The following AGBL4 variants were observed in gnomAD, a reference collection of about 807,000 sequenced individuals.
AGBL4 encodes the protein AGBL carboxypeptidase 4.
A neutral mutation model predicts 66.4 loss-of-function variants in AGBL4; 58 were observed. The ratio of observed to expected loss-of-function variants is 0.87; its 90% CI spans 0.71 to 1.09. The LOEUF is 1.09. Ranked by LOEUF, AGBL4 falls within the 50% of genes least tolerant of loss-of-function variation. The probability of loss-of-function intolerance (pLI) is 0.00; values close to 1 mark genes in which losing one functional copy is unlikely to be tolerated. For missense variants in AGBL4, 579 were observed against 631.0 expected (o/e 0.92, Z 0.88); for synonymous variants, 234 against 222.9 (o/e 1.05, Z -0.44).
chr1:49,524,732 G>A (rs1242419761), intron 3 of AGBL4, among the ~76,000 whole-genome samples: 2 of 151,772 alleles, frequency 1.3e-5, no homozygotes, highest in African/African-American at 4.8e-5. Context: ...CACTTCCCAA[G>A]AAGCTTTTCT....
At position 49,012,039 on chromosome 1, in the gene AGBL4, GA is replaced by G. The variant is rs901750777; in HGVS notation, c.594+33544del. Among the ~76,000 whole-genome samples the G allele has an allele frequency of 2.9e-3, 401 of 139,428 alleles. 3 individuals carry two copies. The highest frequency in any genetic ancestry group is 7.8e-3 in the African/African-American group (294 of 37,916). 91.5% of individuals were successfully genotyped at this position (139,428 alleles called of 152,430 possible). On this transcript the variant is annotated intron_variant, in intron 5 of 13. Coordinates refer to ENST00000371839, the MANE Select transcript of AGBL4 (RefSeq NM_032785.4). ...TAAAACTTAAAATATAATAATAAAA[GA>G]AAAAAAAAAGCTACATAAAAAAAAA...
chr1:48,891,039 A>C (rs1310475518), intron 5 of AGBL4, among the ~76,000 whole-genome samples: 1 of 152,212 alleles, frequency 6.6e-6, no homozygotes, highest in Admixed American at 6.5e-5. Flanking sequence ...CAATTTACTG[A>C]TCAGTCCAGT....
At chr1:49,124,726 G>T (rs1645731179) in intron 4 of AGBL4, among the ~76,000 whole-genome samples, 2 of 152,136 alleles carry the variant, frequency 1.3e-5, no homozygotes, top group Admixed American at 1.3e-4. Flanking sequence ...AAGATTTTAT[G>T]GAAATAAAAC....
At chr1:48,564,489 A>G (rs959584931) in intron 11 of AGBL4, among the ~76,000 whole-genome samples, 5 of 150,408 alleles carry the variant, frequency 3.3e-5, no homozygotes, top group Non-Finnish European at 7.4e-5. Context: ...TCCTCCTCAT[A>G]CTACTTGGCC....
intron 6 of AGBL4, among the ~76,000 whole-genome samples, chr1:48,778,057 T>C (rs954368263): frequency 3.3e-5 from 5 of 152,186 alleles, no homozygotes; most frequent in African/African-American, 1.2e-4. Context: ...TGGCTAGTTA[T>C]ATTTCTGTTG....
intron 1 of AGBL4, among the ~76,000 whole-genome samples, chr1:49,973,015 G>T (rs924854493): frequency 2.0e-5 from 3 of 152,122 alleles, no homozygotes; most frequent in Non-Finnish European, 4.4e-5. Context: ...AGATCACATG[G>T]CCATTAAGTG....
chr1:49,774,329 G>T (rs1644142120), intron 2 of AGBL4, among the ~76,000 whole-genome samples: 1 of 152,174 alleles, frequency 6.6e-6, no homozygotes, highest in Non-Finnish European at 1.5e-5. Flanking sequence ...AAATAGTGTG[G>T]CAGAGGCAGG....
At chr1:49,833,925 C>G (rs1645773585) in intron 2 of AGBL4, among the ~76,000 whole-genome samples, 1 of 152,126 alleles carries the variant, frequency 6.6e-6, no homozygotes, top group African/African-American at 2.4e-5. Context: ...GATATACAAT[C>G]ATGTCATCTG....
chr1:49,708,711 T>C (rs1647396213), intron 2 of AGBL4, among the ~76,000 whole-genome samples: 1 of 152,198 alleles, frequency 6.6e-6, no homozygotes, highest in African/African-American at 2.4e-5. Context: ...TACTCTTTCA[T>C]GTTGGTGACC....
At position 49,785,142 on chromosome 1, in the gene AGBL4, T is replaced by C. The variant is rs146923149; in HGVS notation, c.157+66254A>G. ...AAAGACTAGAATTTATAGAAGTAGA[T>C]AGTAGAATGGTGGCTACCAGTAGCT... On this transcript the variant is annotated intron_variant, in intron 2 of 13. Transcript: ENST00000371839. 5.3e-4 allele frequency among the ~76,000 whole-genome samples: 81 copies of C among 152,152 alleles called. No homozygotes were observed. The East Asian group carries it at 0.014, about 25-fold the overall frequency.
At chr1:49,326,759 G>T (rs761337755) in intron 3 of AGBL4, among the ~76,000 whole-genome samples, 1 of 152,136 alleles carries the variant, frequency 6.6e-6, no homozygotes, top group Non-Finnish European at 1.5e-5. Flanking sequence ...AGGAAAAATA[G>T]AAATTACTGG....
chr1:48,742,102 C>A (rs1477733894), intron 6 of AGBL4, among the ~76,000 whole-genome samples: 2 of 152,238 alleles, frequency 1.3e-5, no homozygotes, highest in Admixed American at 6.5e-5. Flanking sequence ...GCTGCATACA[C>A]AGCTTGAAGG....
chr1:49,989,535 C>T (rs1659769867), intron 1 of AGBL4, among the ~76,000 whole-genome samples: 1 of 151,942 alleles, frequency 6.6e-6, no homozygotes, highest in Admixed American at 6.6e-5. Flanking sequence ...TTTTTTTCTT[C>T]AAAATACATG....
chr1:49,388,550 T>TA (rs1220110943), intron 3 of AGBL4, among the ~76,000 whole-genome samples: 3 of 152,116 alleles, frequency 2.0e-5, no homozygotes, highest in Non-Finnish European at 4.4e-5. Flanking sequence ...GATCATACAG[T>TA]AGTAAATGTC....
At chr1:49,369,833 A>G (rs1644306151) in intron 3 of AGBL4, among the ~76,000 whole-genome samples, 1 of 152,074 alleles carries the variant, frequency 6.6e-6, no homozygotes, top group Non-Finnish European at 1.5e-5. Context: ...AGTGCTTATG[A>G]TGAAATTAAC....
intron 3 of AGBL4, among the ~76,000 whole-genome samples, chr1:49,590,626 G>C (rs1330817359): frequency 6.6e-6 from 1 of 151,822 alleles, no homozygotes; most frequent in Non-Finnish European, 1.5e-5. Flanking sequence ...TGAATACATA[G>C]AAAAATTAAT....
At chr1:49,836,998 G>A (rs1328240652) in intron 2 of AGBL4, among the ~76,000 whole-genome samples, 1 of 152,182 alleles carries the variant, frequency 6.6e-6, no homozygotes, top group Non-Finnish European at 1.5e-5. Context: ...GAGCTCTCCT[G>A]TATGAGGTGT....
Position 48,651,802 on chromosome 1 carries a change from G to T in AGBL4, c.839+1535C>A, listed in dbSNP as rs192329788. Among the ~76,000 whole-genome samples, 214 of 152,296 alleles carry T rather than the reference G, an allele frequency of 1.4e-3. 4 individuals are homozygous for T. Among genetic ancestry groups the T allele is most frequent in the East Asian group, 5.8e-3 (30 of 5,182 alleles). ...AGCCTGGCTGGCTGTCAGGAGATCT[G>T]GTTCCAGTCTGAGTTAGGCCACGGA... On this transcript the variant is annotated intron_variant, in intron 8 of 13. Transcript: ENST00000371839.
At chr1:49,614,801 T>C (rs1645221036) in intron 3 of AGBL4, among the ~76,000 whole-genome samples, 1 of 152,160 alleles carries the variant, frequency 6.6e-6, no homozygotes, top group African/African-American at 2.4e-5. Flanking sequence ...TATACTCCCA[T>C]CTTTGCATAC....
Sources: gnomAD v4.1 joint callset for allele counts (sites outside exome capture counted in the v4.1 genomes callset) on GRCh38, gnomAD v4.1.1 for gene constraint, MANE v1.5 for transcripts, NCBI Gene and HGNC (gene_info 2026-07-23, HGNC 2026-07-21) for gene names.